ANKRD30BL: variants seen among roughly 807,000 people sequenced by gnomAD.
ANKRD30BL encodes ankyrin repeat domain 30B like, also known as putative ankyrin repeat domain-containing protein 30B-like.
In ANKRD30BL, 20 loss-of-function variants were observed where a neutral mutation model predicts 18.4. The ratio of observed to expected loss-of-function variants is 1.09; its 90% CI spans 0.77 to 1.58. The LOEUF (loss-of-function observed/expected upper bound fraction) is 1.58, where lower values mean the gene tolerates loss of function less well. Ranked by LOEUF, ANKRD30BL falls within the 40% of genes most tolerant of loss-of-function variation. The pLI is 0.00. For synonymous variants in ANKRD30BL, 72 were observed against 100.9 expected (o/e 0.71, Z 1.72); for missense variants, 224 against 268.6 (o/e 0.83, Z 1.16).
intron 1 of ANKRD30BL, among the ~76,000 whole-genome samples, chr2:132,192,949 C>T (rs1206416803): frequency 6.6e-6 from 1 of 152,194 alleles, no homozygotes; most frequent in Admixed American, 6.5e-5. Flanking sequence ...GGTGAATCAT[C>T]TGGTCAGAGG....
chr2:132,232,483 T>C (rs965810129), intron 1 of ANKRD30BL, among the ~76,000 whole-genome samples: 9 of 151,864 alleles, frequency 5.9e-5, no homozygotes, highest in Non-Finnish European at 1.2e-4. Flanking sequence ...TAGAGAGAAG[T>C]GCTTAAAGGA....
intron 1 of ANKRD30BL, among the ~76,000 whole-genome samples, chr2:132,250,434 A>G (rs1001698644): frequency 2.0e-5 from 3 of 152,184 alleles, no homozygotes; most frequent in African/African-American, 7.2e-5. Context: ...TAGGACCAAC[A>G]TGAGCATTTA....
intron 1 of ANKRD30BL, among the ~76,000 whole-genome samples, chr2:132,210,920 C>T (rs963683539): frequency 6.6e-6 from 1 of 152,106 alleles, no homozygotes; most frequent in Admixed American, 6.6e-5. Flanking sequence ...TGAGAAACTT[C>T]TTTGTGATGT....
intron 4 of ANKRD30BL, chr2:132,153,392 C>T (rs1451688638): frequency 1.3e-5 from 5 of 373,540 alleles, no homozygotes; most frequent in Non-Finnish European, 2.7e-5. Flanking sequence ...ACAACATTAG[C>T]GTCCCTAAAG....
rs377721070 is a variant in ANKRD30BL, at chr2:132,221,221, C to T, written n.441+36308G>A. Among the ~76,000 whole-genome samples, 637 of 144,976 alleles carry T rather than the reference C, an allele frequency of 4.4e-3. 1 individual carries two copies. The highest frequency in any genetic ancestry group is 0.019 in the East Asian group (94 of 4,926). ...GGGGTCAGCCCCCCGCCCGGCCAGCCGCCCCGTCCGGGAGGTGAGGGGCTC... is the reference window on the plus strand; with the variant it reads ...GGGGTCAGCCCCCCGCCCGGCCAGCTGCCCCGTCCGGGAGGTGAGGGGCTC... On this transcript the variant is annotated intron_variant and non_coding_transcript_variant, in intron 1 of 4. Coordinates refer to the ANKRD30BL transcript ENST00000470729.
intron 1 of ANKRD30BL, among the ~76,000 whole-genome samples, chr2:132,248,850 CT>C (rs1278731931): frequency 2.0e-5 from 3 of 151,916 alleles, no homozygotes; most frequent in Non-Finnish European, 4.4e-5. Flanking sequence ...TACAAAAATA[CT>C]GTTTCCAAAC....
intron 1 of ANKRD30BL, among the ~76,000 whole-genome samples, chr2:132,245,139 T>A (rs1404582294): frequency 6.6e-6 from 1 of 152,248 alleles, no homozygotes; most frequent in South Asian, 2.1e-4. Context: ...CAGAAGCTGC[T>A]TTTTGATGTG....
intron 1 of ANKRD30BL, among the ~76,000 whole-genome samples, chr2:132,221,796 GC>G (rs1299048055): frequency 8.7e-6 from 1 of 115,068 alleles, no homozygotes; most frequent in Non-Finnish European, 1.7e-5. Flanking sequence ...TGCCCGGCCA[GC>G]CGCCCCGTCC....
At chr2:132,206,571 G>A (rs1482888269) in intron 1 of ANKRD30BL, among the ~76,000 whole-genome samples, 10 of 152,148 alleles carry the variant, frequency 6.6e-5, no homozygotes. Flanking sequence ...AGGATGAAGT[G>A]CATGTAGAGT....
At chr2:132,187,833 A>G (rs1328822884) in intron 1 of ANKRD30BL, among the ~76,000 whole-genome samples, 5 of 149,966 alleles carry the variant, frequency 3.3e-5, no homozygotes, top group Non-Finnish European at 5.9e-5. Context: ...ATTTCAGCTC[A>G]TTGCAACCTC....
intron 1 of ANKRD30BL, 66 bp from the exon 2 acceptor site, chr2:132,157,489 G>A (rs1476126685): frequency 4.0e-6 from 2 of 495,236 alleles, no homozygotes; most frequent in South Asian, 4.3e-5. Context: ...AATGATTTAT[G>A]TAATTGTCAA....
intron 1 of ANKRD30BL, among the ~76,000 whole-genome samples, chr2:132,247,462 C>A (rs141410122): frequency 6.6e-6 from 1 of 151,600 alleles, no homozygotes; most frequent in African/African-American, 2.4e-5. Flanking sequence ...CAGAAATATC[C>A]TTTTGCAGGT....
intron 1 of ANKRD30BL, among the ~76,000 whole-genome samples, chr2:132,174,342 T>G (rs1573815999): frequency 1.3e-5 from 2 of 152,252 alleles, no homozygotes; most frequent in East Asian, 3.9e-4. Flanking sequence ...TAGATATATT[T>G]GTGTCAGAGA....
chr2:132,222,047 G>A (rs1178040541), intron 1 of ANKRD30BL, among the ~76,000 whole-genome samples: 3 of 126,176 alleles, frequency 2.4e-5, no homozygotes, highest in Admixed American at 1.5e-4. Context: ...GGGAGGCGGG[G>A]GGGGGGGTCG....
At chr2:132,200,081 C>A (rs537963792) in intron 1 of ANKRD30BL, among the ~76,000 whole-genome samples, 94 of 152,138 alleles carry the variant, frequency 6.2e-4, no homozygotes, top group Non-Finnish European at 6.5e-4. Flanking sequence ...AGGTCTTTGA[C>A]AAAATTCAAC....
At chr2:132,199,713 A>G (rs1440408986) in intron 1 of ANKRD30BL, among the ~76,000 whole-genome samples, 4 of 152,040 alleles carry the variant, frequency 2.6e-5, no homozygotes, top group Admixed American at 1.3e-4. Context: ...GGCTTAGGTT[A>G]CTTGTTTATT....
intron 1 of ANKRD30BL, among the ~76,000 whole-genome samples, chr2:132,176,134 C>G (rs1352254569): frequency 1.3e-5 from 2 of 152,170 alleles, no homozygotes; most frequent in African/African-American, 4.8e-5. Flanking sequence ...TGGCTCATGT[C>G]TGTAATCCCA....
chr2:132,222,659 C>A (rs1298063053), intron 1 of ANKRD30BL, among the ~76,000 whole-genome samples: 1 of 151,548 alleles, frequency 6.6e-6, no homozygotes, highest in Admixed American at 6.6e-5. Context: ...AGAGTCATCA[C>A]CACTCCCTAA....
chr2:132,228,796 T>C (rs546417897), intron 1 of ANKRD30BL, among the ~76,000 whole-genome samples: 1 of 147,066 alleles, frequency 6.8e-6, no homozygotes, highest in Non-Finnish European at 1.5e-5. Flanking sequence ...ATAAAAGCAA[T>C]CTGAAAAACT....
Sources: gnomAD v4.1 joint callset for allele counts (sites outside exome capture counted in the v4.1 genomes callset) on GRCh38, gnomAD v4.1.1 for gene constraint, MANE v1.5 for transcripts, NCBI Gene and HGNC (gene_info 2026-07-23, HGNC 2026-07-21) for gene names.